ADGRB3: variants seen among roughly 807,000 people sequenced by gnomAD.
ADGRB3 encodes brain-specific angiogenesis inhibitor 3.
Under a neutral mutation model 193.4 loss-of-function variants are expected in ADGRB3, and 37 were observed. The ratio of observed to expected loss-of-function variants is 0.19; its 90% CI spans 0.15 to 0.25. The LOEUF (loss-of-function observed/expected upper bound fraction) is 0.25. Ranked by LOEUF, ADGRB3 falls within the 10% of genes least tolerant of loss-of-function variation. The pLI is 1.00. For synonymous variants in ADGRB3, 690 were observed against 644.2 expected, an observed-to-expected ratio of 1.07 and a Z score of -1.08; for missense variants, 1,637 against 1,852.9, an observed-to-expected ratio of 0.88 and a Z score of 2.14.
intron 11 of ADGRB3, among the ~76,000 whole-genome samples, chr6:69,011,484 G>A (rs1246694875): frequency 2.0e-5 from 3 of 151,834 alleles, no homozygotes; most frequent in African/African-American, 7.3e-5. Flanking sequence ...AGAGTGGGGA[G>A]GGAGGGAAGG....
At chr6:69,061,173 C>T (rs1188558547) in intron 15 of ADGRB3, among the ~76,000 whole-genome samples, 1 of 151,778 alleles carries the variant, frequency 6.6e-6, no homozygotes, top group Non-Finnish European at 1.5e-5. Flanking sequence ...ACTCTTTACT[C>T]TTAGGCTGAA....
At chr6:69,338,552 G>A (rs1486366469) in intron 24 of ADGRB3, among the ~76,000 whole-genome samples, 1 of 152,156 alleles carries the variant, frequency 6.6e-6, no homozygotes, top group Non-Finnish European at 1.5e-5. Flanking sequence ...CATCCTCAGG[G>A]CTAGGAGTCC....
chr6:69,316,773 G>A (rs764314702), intron 20 of ADGRB3, among the ~76,000 whole-genome samples: 1 of 151,542 alleles, frequency 6.6e-6, no homozygotes, highest in South Asian at 2.1e-4. Flanking sequence ...AGAAGTTGAA[G>A]TGTGGCTTAA....
chr6:69,097,330 A>G (rs903911353), intron 17 of ADGRB3, among the ~76,000 whole-genome samples: 1 of 152,220 alleles, frequency 6.6e-6, no homozygotes, highest in African/African-American at 2.4e-5. Context: ...GTCTTCACTT[A>G]AAGAAAGTAT....
chr6:69,328,896 T>C (rs1768645872), intron 22 of ADGRB3, among the ~76,000 whole-genome samples: 1 of 152,154 alleles, frequency 6.6e-6, no homozygotes. Context: ...AAAGTCACTG[T>C]ATTGAGAATA....
intron 3 of ADGRB3, among the ~76,000 whole-genome samples, chr6:68,707,983 G>A (rs563130132): frequency 2.0e-5 from 3 of 152,282 alleles, no homozygotes; most frequent in African/African-American, 7.2e-5. Flanking sequence ...AAGTCACAGA[G>A]AGACACAGAC....
chr6:69,310,202 T>C (rs1032149497), intron 20 of ADGRB3, among the ~76,000 whole-genome samples: 12 of 151,756 alleles, frequency 7.9e-5, no homozygotes, highest in African/African-American at 2.9e-4. Flanking sequence ...GGCACTTTTT[T>C]CCTCTTCTGG....
chr6:69,301,241 C>T (rs1767943495), intron 20 of ADGRB3, among the ~76,000 whole-genome samples: 1 of 151,758 alleles, frequency 6.6e-6, no homozygotes. Flanking sequence ...ATCTATTATA[C>T]AATTTTTAAA....
chr6:69,140,529 G>A (rs1774304071), intron 17 of ADGRB3, among the ~76,000 whole-genome samples: 1 of 151,940 alleles, frequency 6.6e-6, no homozygotes. Context: ...GAGGAAGTGG[G>A]GTGGTTAATG....
At chr6:69,060,288 G>A (rs1320725118) in intron 15 of ADGRB3, among the ~76,000 whole-genome samples, 1 of 142,352 alleles carries the variant, frequency 7.0e-6, no homozygotes, top group Non-Finnish European at 1.5e-5. Flanking sequence ...AAAAGCCATA[G>A]GGTTGATTCT....
chr6:69,150,346 C>G (rs1774637006), intron 17 of ADGRB3, among the ~76,000 whole-genome samples: 1 of 152,190 alleles, frequency 6.6e-6, no homozygotes, highest in South Asian at 2.1e-4. Context: ...ACTCTTCCCT[C>G]TCTCTTTTAA....
chr6:68,907,588 T>C (rs1026788899), intron 3 of ADGRB3, among the ~76,000 whole-genome samples: 1 of 151,890 alleles, frequency 6.6e-6, no homozygotes, highest in Non-Finnish European at 1.5e-5. Context: ...TTAAGTAGAG[T>C]TGATACATTT....
At chr6:69,104,109 A>G (rs1773143043) in intron 17 of ADGRB3, among the ~76,000 whole-genome samples, 1 of 151,784 alleles carries the variant, frequency 6.6e-6, no homozygotes, top group Non-Finnish European at 1.5e-5. Context: ...ATATGTATAC[A>G]TGTGCCATGC....
chr6:68,981,354 G>A (rs1337711483), intron 10 of ADGRB3, among the ~76,000 whole-genome samples: 1 of 151,616 alleles, frequency 6.6e-6, no homozygotes, highest in Non-Finnish European at 1.5e-5. Context: ...ACAGCAAATA[G>A]TAATAGCTCA....
chr6:69,011,701 G>C (rs926429301), intron 11 of ADGRB3, among the ~76,000 whole-genome samples: 2 of 152,042 alleles, frequency 1.3e-5, no homozygotes, highest in Non-Finnish European at 2.9e-5. Flanking sequence ...CTTAAATTTT[G>C]TTTTAAATTT....
chr6:68,679,262 G>A (rs1356961914), intron 3 of ADGRB3, among the ~76,000 whole-genome samples: 1 of 152,174 alleles, frequency 6.6e-6, no homozygotes, highest in Admixed American at 6.5e-5. Context: ...TCTTGCTCAT[G>A]TAACAGTTCA....
intron 17 of ADGRB3, among the ~76,000 whole-genome samples, chr6:69,217,967 G>T (rs1421774201): frequency 6.6e-6 from 1 of 150,900 alleles, no homozygotes; most frequent in Non-Finnish European, 1.5e-5. Context: ...CTTAAACAAG[G>T]ATGCAAAGCT....
At chr6:68,664,023 C>T (rs1768737016) in intron 3 of ADGRB3, among the ~76,000 whole-genome samples, 1 of 151,724 alleles carries the variant, frequency 6.6e-6, no homozygotes, top group South Asian at 2.1e-4. Flanking sequence ...AAATTTCATT[C>T]ATGGGATAAA....
intron 17 of ADGRB3, among the ~76,000 whole-genome samples, chr6:69,223,971 C>CTTTT (rs1765954569): frequency 6.6e-6 from 1 of 151,382 alleles, no homozygotes; most frequent in Non-Finnish European, 1.5e-5. Flanking sequence ...TCTTTTGAAT[C>CTTTT]TCAAAAGAAT....
Sources: gnomAD v4.1 joint callset for allele counts (sites outside exome capture counted in the v4.1 genomes callset) on GRCh38, gnomAD v4.1.1 for gene constraint, MANE v1.5 for transcripts, NCBI Gene and HGNC (gene_info 2026-07-23, HGNC 2026-07-21) for gene names.